The following RIMS2 variants were observed in gnomAD, a reference collection of about 807,000 sequenced individuals.
The protein encoded by RIMS2 is regulating synaptic membrane exocytosis protein 2.
RIMS2 carries 59 observed loss-of-function variants against 174.4 expected under a neutral mutation model. The observed-to-expected ratio is 0.34, with a 90% confidence interval of 0.27 to 0.42. The LOEUF (loss-of-function observed/expected upper bound fraction) is 0.42. RIMS2 is among the 10% of genes least tolerant of loss of function. The pLI, the probability that RIMS2 is intolerant of heterozygous loss-of-function variation, is 1.00. For missense variants in RIMS2, 1,620 were observed against 1,666.3 expected (o/e 0.97, Z 0.48); for synonymous variants, 606 against 572.5 (o/e 1.06, Z -0.84).
intron 19 of RIMS2, among the ~76,000 whole-genome samples, chr8:104,133,378 G>A (rs1350042018): frequency 6.6e-6 from 1 of 152,156 alleles, no homozygotes; most frequent in Non-Finnish European, 1.5e-5. Flanking sequence ...GTCCTGTGGA[G>A]GAATTGATTT....
intron 1 of RIMS2, among the ~76,000 whole-genome samples, chr8:103,606,303 G>C (rs2095077343): frequency 6.6e-6 from 1 of 150,640 alleles, no homozygotes; most frequent in Non-Finnish European, 1.5e-5. Flanking sequence ...CCATGTAGTT[G>C]AGCAGTTTTG....
chr8:104,117,069 G>A (rs187978414), intron 19 of RIMS2, among the ~76,000 whole-genome samples: 3 of 151,750 alleles, frequency 2.0e-5, no homozygotes, highest in Non-Finnish European at 4.4e-5. Flanking sequence ...ATCACACTTG[G>A]TGGGCCCAGT....
intron 19 of RIMS2, among the ~76,000 whole-genome samples, chr8:104,109,187 C>G (rs2098131511): frequency 6.6e-6 from 1 of 150,916 alleles, no homozygotes; most frequent in Admixed American, 6.6e-5. Context: ...GACCCAGCTA[C>G]TCCGGAGGCC....
intron 19 of RIMS2, among the ~76,000 whole-genome samples, chr8:104,136,565 A>T (rs2098521837): frequency 6.6e-6 from 1 of 152,226 alleles, no homozygotes; most frequent in Non-Finnish European, 1.5e-5. Context: ...CATCAGTGAT[A>T]GACTGTATAA....
chr8:104,116,776 A>G (rs1450789549), intron 19 of RIMS2, among the ~76,000 whole-genome samples: 1 of 152,162 alleles, frequency 6.6e-6, no homozygotes, highest in East Asian at 1.9e-4. Context: ...GGAAAGGTAG[A>G]TAAGATGTCT....
intron 3 of RIMS2, among the ~76,000 whole-genome samples, chr8:103,803,817 C>T (rs1163149029): frequency 6.6e-6 from 1 of 152,182 alleles, no homozygotes; most frequent in Admixed American, 6.5e-5. Flanking sequence ...CTGAGTAGTA[C>T]ATCTCTGTCA....
At chr8:103,751,555 TC>T (rs1226806018) in intron 2 of RIMS2, among the ~76,000 whole-genome samples, 1 of 151,624 alleles carries the variant, frequency 6.6e-6, no homozygotes, top group Non-Finnish European at 1.5e-5. Context: ...TAGTTTACAG[TC>T]CCACCAACAG....
intron 1 of RIMS2, among the ~76,000 whole-genome samples, chr8:103,618,508 AC>A (rs1457895199): frequency 7.2e-5 from 11 of 152,108 alleles, no homozygotes; most frequent in African/African-American, 2.7e-4. Context: ...AGCTGGAGAG[AC>A]CCAGACAGTT....
chr8:103,819,543 T>C, intron 3 of RIMS2: 2 of 1,613,502 alleles, frequency 1.2e-6, no homozygotes, highest in Non-Finnish European at 8.5e-7. Flanking sequence ...TCTGCAATTC[T>C]GTTTTATCTC....
rs975045186 is a variant in RIMS2, at chr8:103,819,299, C to T, written c.698+52762C>T. 8.6e-5 allele frequency: 119 copies of T among 1,381,804 alleles called. 1 individual carries two copies. The South Asian group carries it at 1.4e-3, about 16-fold the overall frequency. The allele number at this position is 1,381,804 out of a possible 1,614,324, so 85.6% of individuals were successfully genotyped here. On this transcript the variant is annotated intron_variant, in intron 3 of 23. Transcript: ENST00000504942. ...AGTCAGGAGAAAGCCGAAAGCTGCA[C>T]GGGTACTGAATCTTCTACGACTGAA...
At chr8:104,108,355 G>T (rs1019054407) in intron 19 of RIMS2, among the ~76,000 whole-genome samples, 2 of 152,024 alleles carry the variant, frequency 1.3e-5, no homozygotes, top group South Asian at 2.1e-4. Flanking sequence ...GATATGGCAT[G>T]ATCATATCTC....
At chr8:103,921,932 C>A in intron 10 of RIMS2, 148 bp downstream of exon 13, 1 of 427,680 alleles carries the variant, frequency 2.3e-6, no homozygotes, top group Non-Finnish European at 4.2e-6. Context: ...TTTTGAAATC[C>A]AATTTTGATT....
chr8:103,582,890 C>T (rs1322764294), intron 1 of RIMS2, among the ~76,000 whole-genome samples: 1 of 152,218 alleles, frequency 6.6e-6, no homozygotes, highest in Non-Finnish European at 1.5e-5. Flanking sequence ...GGATACAGTT[C>T]TGGCTTGCTT....
At chr8:103,501,046 G>A (rs754363983) in exon 1 of RIMS2, 2 of 1,607,756 alleles carry the variant, frequency 1.2e-6, no homozygotes, top group Non-Finnish European at 1.7e-6. Context: ...AGAGGAGAAG[G>A]AGCAGTCCGT....
exon 4 of RIMS2, chr8:103,885,841 A>T: frequency 6.2e-7 from 1 of 1,612,918 alleles, no homozygotes; most frequent in East Asian, 2.2e-5. Context: ...CAATGGAAAG[A>T]ACTCGAGAGG....
intron 2 of RIMS2, among the ~76,000 whole-genome samples, chr8:103,722,469 C>T (rs903108115): frequency 1.3e-5 from 2 of 151,938 alleles, no homozygotes; most frequent in Admixed American, 6.6e-5. Flanking sequence ...GATCATCAGG[C>T]GTTAGATTCT....
rs114592646 is a variant in RIMS2 at position 103,834,778 on chromosome 8, T to G, written c.699-50520T>G. 3.6e-3 allele frequency among the ~76,000 whole-genome samples: 537 copies of G among 149,990 alleles called. 8 individuals carry two copies. Among genetic ancestry groups the G allele is most frequent in the African/African-American group, 0.013 (512 of 40,782 alleles). On this transcript the variant is annotated intron_variant, in intron 3 of 23. Coordinates refer to ENST00000504942, the Ensembl canonical transcript of RIMS2. The stretch of plus-strand genomic sequence containing the variant: ...TCTTTTTCTCTCTCTCTTTCTGTCT[T>G]TCTTTCTTTCTTTCGAGACAGGGTC...
intron 3 of RIMS2, among the ~76,000 whole-genome samples, chr8:103,881,292 ACT>A (rs1269693827): frequency 6.6e-6 from 1 of 151,530 alleles, no homozygotes; most frequent in Admixed American, 6.6e-5. Context: ...GTAATTTTTC[ACT>A]GTTTATAAAT....
intron 19 of RIMS2, among the ~76,000 whole-genome samples, chr8:104,135,345 C>T (rs2133208535): frequency 6.6e-6 from 1 of 151,960 alleles, no homozygotes; most frequent in East Asian, 1.9e-4. Flanking sequence ...GCCTGTAATC[C>T]CAGCACTTTG....
Sources: gnomAD v4.1 joint callset for allele counts (sites outside exome capture counted in the v4.1 genomes callset) on GRCh38, gnomAD v4.1.1 for gene constraint, MANE v1.5 for transcripts, NCBI Gene and HGNC (gene_info 2026-07-23, HGNC 2026-07-21) for gene names.